PIEZO2: variants seen among roughly 807,000 people sequenced by gnomAD.
PIEZO2 encodes the protein piezo-type mechanosensitive ion channel component 2.
Under a neutral mutation model 337.3 loss-of-function variants are expected in PIEZO2, and 172 were observed. The ratio of observed to expected loss-of-function variants is 0.51; its 90% CI spans 0.45 to 0.58. The LOEUF is 0.58. Ranked by LOEUF, PIEZO2 falls within the 20% of genes least tolerant of loss-of-function variation. PIEZO2 has a pLI of 0.00. For missense variants in PIEZO2, 3,028 were observed against 3,391.3 expected (o/e 0.89, Z 2.66); for synonymous variants, 1,251 against 1,228.5 (o/e 1.02, Z -0.38).
At chr18:11,036,377 T>G (rs754578316) in intron 2 of PIEZO2, among the ~76,000 whole-genome samples, 35 of 152,166 alleles carry the variant, frequency 2.3e-4, no homozygotes, top group Non-Finnish European at 4.3e-4. Context: ...TGTACATAAC[T>G]ATTTCCCTCT....
At chr18:10,722,676 T>C (rs2036369301) in intron 36 of PIEZO2, among the ~76,000 whole-genome samples, 1 of 152,182 alleles carries the variant, frequency 6.6e-6, no homozygotes, top group South Asian at 2.1e-4. Flanking sequence ...AAAAAATATC[T>C]GAAACATACA....
At chr18:10,826,418 A>G (rs1172516189) in intron 7 of PIEZO2, among the ~76,000 whole-genome samples, 1 of 152,214 alleles carries the variant, frequency 6.6e-6, no homozygotes, top group Non-Finnish European at 1.5e-5. Context: ...ACAGGAAGAC[A>G]CCTGCTGCCT....
At chr18:10,909,495 A>G (rs1024866075) in intron 4 of PIEZO2, among the ~76,000 whole-genome samples, 16 of 140,754 alleles carry the variant, frequency 1.1e-4, no homozygotes, top group African/African-American at 3.2e-4. Flanking sequence ...AAATAATGCT[A>G]AAGACTTATT....
At chr18:10,887,949 C>T (rs963978898) in intron 4 of PIEZO2, among the ~76,000 whole-genome samples, 6 of 152,152 alleles carry the variant, frequency 3.9e-5, no homozygotes, top group African/African-American at 1.2e-4. Context: ...GCTTTGTCTG[C>T]TGGGTCATCA....
chr18:10,731,393 C>A lies in PIEZO2; in HGVS notation c.5029+14G>T, dbSNP rs1457522338. ...CCTGCCACACCCACCACAGCCACCCCACCCACCACTCACCCTCCTTGGATC... is the reference window on the plus strand; with the variant it reads ...CCTGCCACACCCACCACAGCCACCCAACCCACCACTCACCCTCCTTGGATC... On this transcript the variant is annotated intron_variant, in intron 36 of 55. Coordinates refer to ENST00000674853, the MANE Select transcript of PIEZO2 (RefSeq NM_001378183.1). The A allele has an allele frequency of 1.1e-5, 17 of 1,522,898 alleles. No individual in the cohort carries two copies. Among genetic ancestry groups the A allele is most frequent in the Non-Finnish European group, 1.5e-5 (17 of 1,136,826 alleles). The allele number at this position is 1,522,898 out of a possible 1,614,324, so 94.3% of individuals were successfully genotyped here.
At chr18:11,019,813 T>C (rs2036248417) in intron 2 of PIEZO2, among the ~76,000 whole-genome samples, 1 of 152,250 alleles carries the variant, frequency 6.6e-6, no homozygotes, top group South Asian at 2.1e-4. Flanking sequence ...TCATCTTGTT[T>C]GTTTTCTTAA....
chr18:10,987,542 C>G (rs2034924122), intron 2 of PIEZO2, among the ~76,000 whole-genome samples: 2 of 152,008 alleles, frequency 1.3e-5, no homozygotes, highest in African/African-American at 4.8e-5. Flanking sequence ...TATCTTACAC[C>G]ATATACAAAA....
intron 27 of PIEZO2, among the ~76,000 whole-genome samples, chr18:10,754,999 A>C (rs961629036): frequency 7.9e-5 from 12 of 152,168 alleles, no homozygotes; most frequent in African/African-American, 2.9e-4. Flanking sequence ...AGCCTGGCGC[A>C]AAGGGAGTAG....
At position 10,742,567 on chromosome 18, in the gene PIEZO2, C is replaced by T. The variant is rs906558198; in HGVS notation, c.4563G>A (p.Glu1521=). Residue 1521 remains glutamate (E), a synonymous_variant, in exon 32 of 56, where the codon GAG becomes GAA. Coordinates refer to ENST00000674853, the MANE Select transcript of PIEZO2 (RefSeq NM_001378183.1). ...GCTCCTGGGTCAAGCTCAGCATCCT[C>T]TCCTTACCCTTTTTATATTTCTGTT... The part of the protein sequence containing the change: ...ARQQKYKKGK[E]RMLSLTQEPG... 4 of 1,537,124 alleles carry T rather than the reference C, an allele frequency of 2.6e-6. No individual in the cohort carries two copies. The highest frequency in any genetic ancestry group is 3.5e-6 in the Non-Finnish European group (4 of 1,146,908).
chr18:10,991,030 C>A (rs1229562391), intron 2 of PIEZO2, among the ~76,000 whole-genome samples: 1 of 151,616 alleles, frequency 6.6e-6, no homozygotes, highest in Non-Finnish European at 1.5e-5. Flanking sequence ...AGAAGTGTTT[C>A]CTCTGCTCTT....
rs1046757580 is a variant in PIEZO2, at chr18:10,750,561, A to G, written c.4168-374T>C. ...AGTTATTTTCTTACAAGCCAGACACATATAACCTATGCTCTTCCCTGGAGG... is the reference window on the plus strand; with the variant it reads ...AGTTATTTTCTTACAAGCCAGACACGTATAACCTATGCTCTTCCCTGGAGG... On this transcript the variant is annotated intron_variant, in intron 28 of 55. Coordinates refer to ENST00000674853, the MANE Select transcript of PIEZO2 (RefSeq NM_001378183.1). The surrounding 1 kb of genome is among the most constrained non-coding windows in gnomAD (Gnocchi z 4.1). Among the ~76,000 whole-genome samples, 2 of 152,206 alleles carry G rather than the reference A, an allele frequency of 1.3e-5. No individual in the cohort carries two copies. Among genetic ancestry groups the G allele is most frequent in the Non-Finnish European group, 2.9e-5 (2 of 68,042 alleles).
intron 2 of PIEZO2, among the ~76,000 whole-genome samples, chr18:11,024,402 C>T (rs1367247036): frequency 7.3e-5 from 11 of 151,532 alleles, no homozygotes; most frequent in Non-Finnish European, 1.0e-4. Context: ...AAAAATTAGC[C>T]GGGCGTAGTG....
chr18:10,955,045 G>A (rs1205150332), intron 3 of PIEZO2, among the ~76,000 whole-genome samples: 1 of 152,160 alleles, frequency 6.6e-6, no homozygotes, highest in East Asian at 1.9e-4. Flanking sequence ...AGTAGGAGAA[G>A]AAAGAGGGGC....
chr18:10,822,115 G>C (rs1031126618), intron 7 of PIEZO2, among the ~76,000 whole-genome samples: 3 of 152,198 alleles, frequency 2.0e-5, no homozygotes, highest in Non-Finnish European at 2.9e-5. Context: ...ATGCCTGCAT[G>C]TCACCACAAT....
intron 3 of PIEZO2, among the ~76,000 whole-genome samples, chr18:10,933,181 C>T (rs959529817): frequency 2.6e-5 from 4 of 151,996 alleles, no homozygotes; most frequent in African/African-American, 7.3e-5. Context: ...GGGCAATTAA[C>T]TTTTCACATA....
rs1478713521 is a variant in PIEZO2 at position 10,773,041 on chromosome 18, A to T, written c.2785+371T>A. ...TCTCAGAATGGTTTCTTGAGAATGC[A>T]TTTGTAAGGGCGATGTCTAGAGCCT... On this transcript the variant is annotated intron_variant, in intron 20 of 55. Transcript: ENST00000674853. The surrounding 1 kb of genome is among the most constrained non-coding windows in gnomAD (Gnocchi z 5.3). Among the ~76,000 whole-genome samples, 1 of 152,178 alleles carries T rather than the reference A, an allele frequency of 6.6e-6. No individual in the cohort carries two copies. The highest frequency in any genetic ancestry group is 1.5e-5 in the Non-Finnish European group (1 of 68,032).
intron 15 of PIEZO2, 117 bp downstream of exon 15, chr18:10,788,961 CT>C (rs1460477199): frequency 8.5e-7 from 1 of 1,170,642 alleles, no homozygotes; most frequent in African/African-American, 1.6e-5. Context: ...ATGTTTGAAT[CT>C]TGCCAATCAC....
chr18:11,148,865 T>C lies in PIEZO2; in HGVS notation c.-277A>G. ...CCCCCTGCGGCCGGCCCATTTAGTG[T>C]GAATCCTGGATCCGGCAGCGGCGGC... On this transcript the variant is annotated 5_prime_UTR_variant, in exon 1 of 56. Transcript: ENST00000674853. The surrounding 1 kb of genome is among the most constrained non-coding windows in gnomAD (Gnocchi z 5.2). 2.5e-6 allele frequency: 1 copy of C among 397,240 alleles called. No individual in the cohort carries two copies. Among genetic ancestry groups the C allele is most frequent in the Non-Finnish European group, 4.4e-6 (1 of 226,236 alleles). 24.6% of individuals were successfully genotyped at this position (397,240 alleles called of 1,614,324 possible). A position where few individuals can be genotyped will look rare whatever the true frequency, so the allele number is the denominator to read the frequency against.
At chr18:11,121,288 C>T (rs1359069113) in intron 1 of PIEZO2, among the ~76,000 whole-genome samples, 2 of 152,230 alleles carry the variant, frequency 1.3e-5, no homozygotes, top group East Asian at 3.9e-4. Context: ...GGCACAGTAG[C>T]TCATGCCTGT....
Sources: gnomAD v4.1 joint callset for allele counts (sites outside exome capture counted in the v4.1 genomes callset) on GRCh38, gnomAD v4.1.1 for gene constraint, Gnocchi (gnomAD v3.1) non-coding constraint, MANE v1.5 for transcripts, NCBI Gene and HGNC (gene_info 2026-07-23, HGNC 2026-07-21) for gene names.